Variants in CFAP74 observed in about 807,000 individuals in gnomAD.
CFAP74 encodes the protein cilia and flagella associated protein 74.
A neutral mutation model predicts 188.9 loss-of-function variants in CFAP74; 124 were observed. That is an observed-to-expected ratio of 0.66 (90% CI 0.57 to 0.76). The LOEUF is 0.76. Ranked by LOEUF, CFAP74 falls within the 30% of genes least tolerant of loss-of-function variation. CFAP74 has a pLI of 0.00. For missense variants in CFAP74, 2,198 were observed against 2,165.2 expected (o/e 1.02, Z -0.30); for synonymous variants, 956 against 916.7 (o/e 1.04, Z -0.77).
chr1:1,923,911 C>A lies in CFAP74; in HGVS notation c.4253G>T (p.Gly1418Val). The A allele has an allele frequency of 3.7e-6, 6 of 1,611,394 alleles. No individual in the cohort carries two copies. Among genetic ancestry groups the A allele is most frequent in the Non-Finnish European group, 5.1e-6 (6 of 1,178,826 alleles). Residue 1418 changes from glycine to valine, a missense_variant, in exon 35 of 39, where the codon GGT (glycine) becomes GTT (valine). Coordinates refer to ENST00000682832, the MANE Select transcript of CFAP74 (RefSeq NM_001304360.2). This position sits in a 1 kb window ranked among gnomAD's most constrained non-coding sequence, Gnocchi z 6.3. Reference sequence around the variant, plus strand: ...GGGGGCCACGCTGAACACGCTCTGACCGTTGAGATTCTGCGTCCCTGCGGG... The same window carrying A: ...GGGGGCCACGCTGAACACGCTCTGAACGTTGAGATTCTGCGTCCCTGCGGG... Reference protein sequence around the residue: ...TEVVGTQNLNGQSVFSVAPVK... With the variant: ...TEVVGTQNLNVQSVFSVAPVK...
chr1:1,992,894 A>T (rs1182111411), intron 1 of CFAP74, among the ~76,000 whole-genome samples: 39 of 152,212 alleles, frequency 2.6e-4, no homozygotes, highest in Admixed American at 2.6e-3. Context: ...AGATGTTGGA[A>T]CTAAATAATT....
At chr1:1,927,880 G>A (rs1019510928) in intron 27 of CFAP74, 134 bp from the exon 28 acceptor site, 17 of 996,086 alleles carry the variant, frequency 1.7e-5, no homozygotes, top group Middle Eastern at 2.6e-4. Context: ...CGCAAAAGCC[G>A]ACCGGCGCCC....
At chr1:1,956,517 G>C (rs902042359) in intron 17 of CFAP74, 103 bp downstream of exon 17, 3 of 1,406,628 alleles carry the variant, frequency 2.1e-6, no homozygotes, top group Non-Finnish European at 3.0e-6. Context: ...CTTCTCCCAG[G>C]CCCACTGTTG....
At chr1:1,930,642 G>A (rs564250585) in intron 25 of CFAP74, among the ~76,000 whole-genome samples, 4 of 152,232 alleles carry the variant, frequency 2.6e-5, no homozygotes, top group South Asian at 4.1e-4. Flanking sequence ...CTGTAGCCTC[G>A]AACTCCTGGT....
intron 1 of CFAP74, among the ~76,000 whole-genome samples, chr1:1,997,147 G>A (rs931312371): frequency 1.3e-5 from 2 of 152,142 alleles, no homozygotes; most frequent in Non-Finnish European, 2.9e-5. Flanking sequence ...AGGCGGCCGG[G>A]CGCGGTGGCG....
intron 16 of CFAP74, among the ~76,000 whole-genome samples, chr1:1,957,050 G>A (rs975779216): frequency 1.3e-5 from 2 of 152,244 alleles, no homozygotes; most frequent in Admixed American, 6.5e-5. Flanking sequence ...CGCAGGGCCC[G>A]GATGCAGGGC....
At chr1:1,927,099 G>A (rs1199534964) in intron 28 of CFAP74, 71 bp from the exon 29 acceptor site, 60 of 1,529,898 alleles carry the variant, frequency 3.9e-5, no homozygotes, top group Admixed American at 1.8e-4. Context: ...GGACCCCTGC[G>A]GCTCTGCCTC....
At chr1:1,963,082 C>G (rs1655203118) in intron 14 of CFAP74, among the ~76,000 whole-genome samples, 1 of 152,154 alleles carries the variant, frequency 6.6e-6, no homozygotes, top group African/African-American at 2.4e-5. Context: ...ACAGCTTTCA[C>G]CTTGACACTG....
At chr1:1,962,975 A>G (rs1056945719) in intron 14 of CFAP74, among the ~76,000 whole-genome samples, 1 of 152,260 alleles carries the variant, frequency 6.6e-6, no homozygotes, top group Non-Finnish European at 1.5e-5. Context: ...AGGAGGATCC[A>G]AAACACAGGT....
intron 1 of CFAP74, among the ~76,000 whole-genome samples, chr1:1,991,465 T>C (rs1657559027): frequency 6.6e-6 from 1 of 152,004 alleles, no homozygotes; most frequent in Non-Finnish European, 1.5e-5. Flanking sequence ...TAGCTGGGTG[T>C]GGTGGCGCAT....
rs753645940 is a variant in CFAP74, at chr1:1,964,993, G to C, written c.1470C>G (p.Arg490=). 1 of 1,613,934 alleles carries C rather than the reference G, an allele frequency of 6.2e-7. No homozygotes were observed. Among genetic ancestry groups the C allele is most frequent in the East Asian group, 2.2e-5 (1 of 44,872 alleles). The change falls in exon 13 of 39, where the codon CGC becomes CGG. Residue 490 remains arginine (R), a synonymous_variant. Transcript: ENST00000682832. The stretch of plus-strand genomic sequence containing the variant: ...CCCTGCTCCGCAGCCGCTCCACCGT[G>C]CGCTCCAGGATGTCCTTGTCCATCT... ...GTKMDKDILE[R]TVERLRSRVV... is the part of the protein sequence containing the mutation.
At position 1,974,077 on chromosome 1, in the gene CFAP74, T is replaced by C. The variant is rs762374430; in HGVS notation, c.622A>G (p.Arg208Gly). ...LQVRAAEQLC[R>G]EQEALGKVER... Reference sequence around the variant, plus strand: ...ACCTTCCCCAGGGCCTCCTGCTCTCTGCAGAGCTGCTCGGCTGCGCGCACC... The same window carrying C: ...ACCTTCCCCAGGGCCTCCTGCTCTCCGCAGAGCTGCTCGGCTGCGCGCACC... The change falls in exon 7 of 39, where the codon AGA becomes GGA. Residue 208 changes from arginine to glycine, a missense_variant. Coordinates refer to ENST00000682832, the MANE Select transcript of CFAP74 (RefSeq NM_001304360.2). 1.2e-6 allele frequency: 2 copies of C among 1,611,166 alleles called. No homozygotes were observed. Among genetic ancestry groups the C allele is most frequent in the Non-Finnish European group, 1.7e-6 (2 of 1,178,590 alleles).
rs1655618155 is a variant in CFAP74, at chr1:1,968,159, G to A, written c.1245+476C>T. Among the ~76,000 whole-genome samples the A allele has an allele frequency of 6.6e-6, 1 of 152,176 alleles. No individual in the cohort carries two copies. Among genetic ancestry groups the A allele is most frequent in the South Asian group, 2.1e-4 (1 of 4,832 alleles). On this transcript the variant is annotated intron_variant, in intron 11 of 38. Coordinates refer to ENST00000682832, the MANE Select transcript of CFAP74 (RefSeq NM_001304360.2). The surrounding 1 kb of genome is among the most constrained non-coding windows in gnomAD (Gnocchi z 4.3). ...ATGAATGAAGAAAGAATGAGTGAGT[G>A]AACGAATAAAGGATGAGTGAGTGAA...
intron 25 of CFAP74, among the ~76,000 whole-genome samples, chr1:1,938,280 T>C (rs1280510634): frequency 1.3e-5 from 2 of 148,292 alleles, no homozygotes; most frequent in Non-Finnish European, 3.0e-5. Context: ...CCCACATACA[T>C]GCACTCACAC....
chr1:1,966,003 C>A (rs1026020945), intron 12 of CFAP74, among the ~76,000 whole-genome samples: 3 of 152,248 alleles, frequency 2.0e-5, no homozygotes, highest in Non-Finnish European at 2.9e-5. Flanking sequence ...AAAGTTTGCA[C>A]GCTTCTTCTA....
intron 33 of CFAP74, among the ~76,000 whole-genome samples, chr1:1,924,833 A>C (rs192943383): frequency 7.0e-4 from 107 of 152,212 alleles, no homozygotes; most frequent in African/African-American, 2.4e-3. Flanking sequence ...CCACGTCCCC[A>C]CCTGTGTCCT....
chr1:1,994,177 A>G (rs912897926), intron 1 of CFAP74, among the ~76,000 whole-genome samples: 4 of 134,306 alleles, frequency 3.0e-5, no homozygotes, highest in Non-Finnish European at 6.0e-5. Context: ...AAAGGGTTAA[A>G]AAAAAAAAAA....
At chr1:1,985,820 A>G (rs1192423758) in intron 5 of CFAP74, among the ~76,000 whole-genome samples, 1 of 152,206 alleles carries the variant, frequency 6.6e-6, no homozygotes, top group Non-Finnish European at 1.5e-5. Flanking sequence ...ACAAGCCCCA[A>G]GCCCTCGCGT....
At chr1:1,987,563 GACAGAGCCTCGCTTGTCACCC>G (rs1657317059) in intron 4 of CFAP74, among the ~76,000 whole-genome samples, 1 of 150,404 alleles carries the variant, frequency 6.6e-6, no homozygotes, top group African/African-American at 2.5e-5. Flanking sequence ...TTTTTCCCGA[GACAGAGCCTCGCTTGTCACCC>G]AGGCTGGAGT....
Sources: gnomAD v4.1 joint callset for allele counts (sites outside exome capture counted in the v4.1 genomes callset) on GRCh38, gnomAD v4.1.1 for gene constraint, Gnocchi (gnomAD v3.1) non-coding constraint, MANE v1.5 for transcripts, NCBI Gene and HGNC (gene_info 2026-07-23, HGNC 2026-07-21) for gene names.